Variants in SACM1L observed in about 807,000 individuals in gnomAD.
The protein encoded by SACM1L is SAC1 like phosphatidylinositide phosphatase.
SACM1L carries 32 observed loss-of-function variants against 89.5 expected under a neutral mutation model. The ratio of observed to expected loss-of-function variants is 0.36; its 90% CI spans 0.27 to 0.48. The LOEUF (loss-of-function observed/expected upper bound fraction) is 0.48. Ranked by LOEUF, SACM1L falls within the 20% of genes least tolerant of loss-of-function variation. SACM1L has a pLI of 0.99. For synonymous variants in SACM1L, 213 were observed against 232.8 expected (o/e 0.92, Z 0.77); for missense variants, 543 against 708.5 (o/e 0.77, Z 2.65).
chr3:45,699,272 TAAAGTA>T (rs997307595), intron 1 of SACM1L, among the ~76,000 whole-genome samples: 2 of 150,970 alleles, frequency 1.3e-5, no homozygotes, highest in African/African-American at 2.4e-5. Context: ...CCCTAAAACT[TAAAGTA>T]TAATTAAAAT....
At chr3:45,719,900 A>T (rs1698748990) in intron 8 of SACM1L, among the ~76,000 whole-genome samples, 1 of 152,176 alleles carries the variant, frequency 6.6e-6, no homozygotes, top group Non-Finnish European at 1.5e-5. Context: ...CAGTAACCTA[A>T]CTTAGAAAGT....
chr3:45,725,536 T>C (rs1698898650), intron 11 of SACM1L, among the ~76,000 whole-genome samples: 2 of 152,122 alleles, frequency 1.3e-5, no homozygotes, highest in African/African-American at 4.8e-5. Flanking sequence ...TGCAACTGAT[T>C]ATTGTGTCTT....
At chr3:45,690,202 A>C (rs1226312229) in intron 1 of SACM1L, 1 of 152,260 alleles carries the variant, frequency 6.6e-6, no homozygotes, top group African/African-American at 2.4e-5. Flanking sequence ...AGAGTTATAA[A>C]ATAGGTGTTT....
chr3:45,738,863 A>G lies in SACM1L; in HGVS notation c.1559A>G (p.Lys520Arg), dbSNP rs1280214843. The G allele has an allele frequency of 1.9e-6, 3 of 1,600,306 alleles. No individual in the cohort carries two copies. The highest frequency in any genetic ancestry group is 1.7e-5 in the Admixed American group (1 of 58,936). Residue 520 changes from lysine (K) to arginine (R), a missense_variant, in exon 18 of 20, where the codon AAA becomes AGA. By Grantham distance (26) the Lys-to-Arg change is conservative. Coordinates refer to ENST00000389061, the MANE Select transcript of SACM1L (RefSeq NM_014016.5). Reference sequence around the variant, plus strand: ...CCTTTAAGTGTTCCAAGGGACTGGAAATTCCTGGCTGTAAGAAACCATTTT... The same window carrying G: ...CCTTTAAGTGTTCCAAGGGACTGGAGATTCCTGGCTGTAAGAAACCATTTT... Reference protein sequence around the residue: ...HSPLSVPRDWKFLALPIIMVV... With the variant: ...HSPLSVPRDWRFLALPIIMVV...
chr3:45,737,569 G>GT lies in SACM1L; in HGVS notation c.1240-8dup, dbSNP rs755916988. ...TCTATTACACATAAATCTGGGTGTG[G>GT]TTTTTTATTCCAGAGACTAGGAGTT... On this transcript the variant is annotated splice_polypyrimidine_tract_variant and intron_variant, in intron 14 of 19. Transcript: ENST00000389061. 8.2e-6 allele frequency: 13 copies of GT among 1,590,988 alleles called. No homozygotes were observed. Among genetic ancestry groups the GT allele is most frequent in the South Asian group, 4.7e-5 (4 of 85,918 alleles).
chr3:45,701,215 A>G (rs1164159009), intron 1 of SACM1L, among the ~76,000 whole-genome samples: 1 of 152,168 alleles, frequency 6.6e-6, no homozygotes, highest in African/African-American at 2.4e-5. Context: ...CAGCCTACCA[A>G]AGGATGATGT....
At chr3:45,709,356 C>G (rs1032349351) in intron 4 of SACM1L, 142 bp from the exon 5 acceptor site, 2 of 648,806 alleles carry the variant, frequency 3.1e-6, no homozygotes, top group Non-Finnish European at 5.1e-6. Flanking sequence ...AGGGAAATGG[C>G]GAGCATCCCC....
chr3:45,710,186 G>A (rs1232870782), intron 5 of SACM1L, among the ~76,000 whole-genome samples: 1 of 149,588 alleles, frequency 6.7e-6, no homozygotes. Context: ...TCCTTTTAAG[G>A]TTTTTTTTAT....
intron 11 of SACM1L, 74 bp from the exon 12 acceptor site, chr3:45,731,227 A>T: frequency 2.2e-6 from 2 of 921,044 alleles, no homozygotes; most frequent in Non-Finnish European, 3.4e-6. Context: ...AGAGCTTCCT[A>T]GTTTGTCCTT....
At chr3:45,739,177 G>T (rs535786159) in intron 18 of SACM1L, among the ~76,000 whole-genome samples, 5 of 151,964 alleles carry the variant, frequency 3.3e-5, no homozygotes, top group Non-Finnish European at 5.9e-5. Flanking sequence ...AGAGACAAAC[G>T]TGTTACATGG....
In SACM1L at chr3:45,732,038, CT is replaced by C; in HGVS notation, c.1002-11del. On this transcript the variant is annotated splice_polypyrimidine_tract_variant and intron_variant, in intron 12 of 19. Transcript: ENST00000389061. ...TGATCTCTGGTCGGTTTCTGAATAT[CT>C]TTTCTTTTGGTAGATACATTGCCTT... The C allele has an allele frequency of 6.8e-7, 1 of 1,478,226 alleles. No homozygotes were observed. Among genetic ancestry groups the C allele is most frequent in the Non-Finnish European group, 9.2e-7 (1 of 1,084,944 alleles). The allele number at this position is 1,478,226 out of a possible 1,614,324, so 91.6% of individuals were successfully genotyped here.
chr3:45,712,308 G>C (rs551910972), intron 5 of SACM1L, among the ~76,000 whole-genome samples: 2 of 152,098 alleles, frequency 1.3e-5, no homozygotes, highest in Non-Finnish European at 2.9e-5. Flanking sequence ...GCAGTGGCAC[G>C]ATCTTGGCTC....
At chr3:45,713,249 C>A in intron 6 of SACM1L, 53 bp downstream of exon 6, 1 of 1,343,022 alleles carries the variant, frequency 7.4e-7, no homozygotes, top group Non-Finnish European at 1.0e-6. Context: ...AGCTTTAATT[C>A]AATGCATGCT....
At position 45,743,833 on chromosome 3, in the gene SACM1L, C is replaced by T. The variant is rs184202097; in HGVS notation, c.*164C>T. On this transcript the variant is annotated 3_prime_UTR_variant, in exon 20 of 20. Coordinates refer to ENST00000389061, the MANE Select transcript of SACM1L (RefSeq NM_014016.5). ...TGATGACAGAATTGATCTGATGTTA[C>T]TGCCTTGATGGTCTCTTTACTATTG... The T allele has an allele frequency of 1.1e-3, 666 of 587,558 alleles. 1 individual carries two copies. The highest frequency in any genetic ancestry group is 1.4e-3 in the Non-Finnish European group (504 of 357,086). 36.4% of individuals were successfully genotyped at this position (587,558 alleles called of 1,614,324 possible).
chr3:45,690,102 A>C (rs774869390), intron 1 of SACM1L: 1 of 152,364 alleles, frequency 6.6e-6, no homozygotes, highest in Non-Finnish European at 1.5e-5. Flanking sequence ...GTCGACAGCC[A>C]GAGGCTAATC....
At chr3:45,739,194 A>C (rs892489844) in intron 18 of SACM1L, among the ~76,000 whole-genome samples, 3 of 152,162 alleles carry the variant, frequency 2.0e-5, no homozygotes, top group Non-Finnish European at 4.4e-5. Context: ...ATGGAAGGCA[A>C]AGTTTATTTT....
intron 6 of SACM1L, chr3:45,713,605 A>G (rs1037571450): frequency 1.0e-4 from 17 of 166,310 alleles, no homozygotes; most frequent in Non-Finnish European, 1.9e-4. Context: ...TCCTTTGTCT[A>G]CACATATGAG....
Position 45,703,494 on chromosome 3 carries a change from T to C in SACM1L, c.89T>C (p.Val30Ala), listed in dbSNP as rs1559538131. ...VEACDDGADD[V>A]LTIDRVSTEV... Reference sequence around the variant, plus strand: ...GCTTGTGATGATGGAGCAGATGACGTACTTACCATTGACCGTGTGTCCACA... The same window carrying C: ...GCTTGTGATGATGGAGCAGATGACGCACTTACCATTGACCGTGTGTCCACA... The change falls in exon 2 of 20, where the codon GTA becomes GCA. Residue 30 changes from valine to alanine, a missense_variant. Around this residue, in one of 2 missense-constraint regions of SACM1L, gnomAD observed 173 missense variants for 180.9 expected, o/e 0.96. Transcript: ENST00000389061. 6.2e-7 allele frequency: 1 copy of C among 1,613,348 alleles called. No homozygotes were observed. Among genetic ancestry groups the C allele is most frequent in the South Asian group, 1.1e-5 (1 of 91,056 alleles).
chr3:45,714,237 G>GTTT (rs1435536599), intron 7 of SACM1L, among the ~76,000 whole-genome samples, 158 bp downstream of exon 7: 1 of 18,598 alleles, frequency 5.4e-5, no homozygotes, highest in Non-Finnish European at 1.2e-4. Context: ...TTGCTATTTT[G>GTTT]TTTGTTTTTT....
Sources: allele counts gnomAD v4.1 joint callset (sites outside exome capture counted in the v4.1 genomes callset), GRCh38; gene constraint gnomAD v4.1.1; regional missense constraint gnomAD v4.1.1; transcripts MANE v1.5; gene names NCBI Gene and HGNC (gene_info 2026-07-23, HGNC 2026-07-21).